Variants in FRMPD3 observed in about 807,000 individuals in gnomAD.
FRMPD3 encodes the protein FERM and PDZ domain-containing protein 3.
A neutral mutation model predicts 97.9 loss-of-function variants in FRMPD3; 42 were observed. The ratio of observed to expected loss-of-function variants is 0.43; its 90% CI spans 0.34 to 0.55. The LOEUF (loss-of-function observed/expected upper bound fraction) is 0.55, where lower values mean the gene tolerates loss of function less well. Among genes scored for constraint, FRMPD3 ranks in the 20% least tolerant of loss-of-function variants. The probability of loss-of-function intolerance (pLI) is 0.03; values close to 1 mark genes in which losing one functional copy is unlikely to be tolerated. For synonymous variants in FRMPD3, 577 were observed against 581.1 expected (o/e 0.99, Z 0.10); for missense variants, 1,303 against 1,457.7 (o/e 0.89, Z 1.73).
At chrX:107,456,920 A>G (rs1335619215) in intron 1 of FRMPD3, among the ~76,000 whole-genome samples, 1 of 112,288 alleles carries the variant, frequency 8.9e-6, no homozygotes, top group African/African-American at 3.2e-5. Flanking sequence ...AATGATTAAA[A>G]CAAGATCATT....
intron 1 of FRMPD3, among the ~76,000 whole-genome samples, chrX:107,483,403 C>T (rs1210662768): frequency 2.7e-5 from 3 of 112,621 alleles, no homozygotes; most frequent in Non-Finnish European, 5.6e-5. Flanking sequence ...GGCAACCCAT[C>T]CCTAGGCTCC....
intron 4 of FRMPD3, among the ~76,000 whole-genome samples, chrX:107,533,959 A>G (rs1246348493): frequency 2.7e-5 from 3 of 112,450 alleles, no homozygotes; most frequent in African/African-American, 6.5e-5. Context: ...ACACAGCACC[A>G]TATGTGAGAG....
chrX:107,499,962 G>A (rs1921865782), intron 1 of FRMPD3, among the ~76,000 whole-genome samples: 1 of 111,784 alleles, frequency 8.9e-6, no homozygotes, highest in Admixed American at 9.5e-5. Flanking sequence ...GGAGGAGCAG[G>A]CCAAGAGTGG....
intron 9 of FRMPD3, 73 bp downstream of exon 9, chrX:107,560,466 T>C: frequency 4.4e-6 from 5 of 1,138,139 alleles, no homozygotes. Flanking sequence ...GGTTGAGCTA[T>C]GCTATGCTTT....
intron 3 of FRMPD3, 72 bp from the exon 4 acceptor site, chrX:107,533,433 G>A (rs985281359): frequency 5.4e-6 from 5 of 927,511 alleles, no homozygotes; most frequent in Non-Finnish European, 7.7e-6. Context: ...GAAGATTCTG[G>A]TGTTGCTTCT....
intron 13 of FRMPD3, 96 bp downstream of exon 13, chrX:107,576,555 G>A: frequency 4.2e-6 from 4 of 941,341 alleles, no homozygotes; most frequent in South Asian, 2.3e-5. Context: ...TGCTCACCCC[G>A]TGCCAACAGT....
rs981420177 is a variant in FRMPD3 at position 107,501,964 on chromosome X, A to C, written c.-7-24618A>C. Among the ~76,000 whole-genome samples, 4 of 110,465 alleles carry C rather than the reference A, an allele frequency of 3.6e-5. No individual in the cohort carries two copies. In the Admixed American group the frequency reaches 3.8e-4, roughly 11 times the overall value. ...TGAACTTACTACATAACATATAAGA[A>C]GTGTTTTCAAAAGCCCAGCCCCCCT... On this transcript the variant is annotated intron_variant, in intron 1 of 14. Transcript: ENST00000683843.
chrX:107,596,061 A>C (rs1466209448), intron 13 of FRMPD3, among the ~76,000 whole-genome samples: 1 of 107,055 alleles, frequency 9.3e-6, no homozygotes, highest in African/African-American at 3.4e-5. Flanking sequence ...TGTATTTGGG[A>C]GTTTTGTTGT....
At chrX:107,570,499 A>G (rs1057117744) in intron 12 of FRMPD3, among the ~76,000 whole-genome samples, 1 of 111,087 alleles carries the variant, frequency 9.0e-6, no homozygotes, top group African/African-American at 3.3e-5. Flanking sequence ...TTCCTCCCAG[A>G]CCATTTAAAA....
intron 4 of FRMPD3, among the ~76,000 whole-genome samples, chrX:107,535,233 C>G (rs1969644270): frequency 8.9e-6 from 1 of 112,529 alleles, no homozygotes; most frequent in Non-Finnish European, 1.9e-5. Flanking sequence ...TCTGATATGG[C>G]TTACTTTTTC....
chrX:107,517,547 G>A lies in FRMPD3; in HGVS notation c.-7-9035G>A, dbSNP rs1483533262. The stretch of plus-strand genomic sequence containing the variant: ...GGCCAAGGAGGGCGGATCACCTGAG[G>A]TCAGGAGTTTGAGAGCAGCCTGGCC... On this transcript the variant is annotated intron_variant, in intron 1 of 14. Transcript: ENST00000683843. Among the ~76,000 whole-genome samples the A allele has an allele frequency of 2.7e-5, 3 of 110,935 alleles. No homozygotes were observed. The South Asian group carries it at 1.1e-3, about 42-fold the overall frequency.
At chrX:107,471,840 G>T (rs1921071030) in intron 1 of FRMPD3, among the ~76,000 whole-genome samples, 1 of 112,018 alleles carries the variant, frequency 8.9e-6, no homozygotes, top group African/African-American at 3.2e-5. Context: ...TGAGTCAAAG[G>T]GTATTTCTGT....
chrX:107,540,917 C>T (rs1434282883), intron 4 of FRMPD3, among the ~76,000 whole-genome samples: 1 of 112,505 alleles, frequency 8.9e-6, no homozygotes, highest in Non-Finnish European at 1.9e-5. Context: ...TTAAAAACAG[C>T]TGGTTAGTGC....
chrX:107,564,093 A>G (rs1346763803), intron 11 of FRMPD3, among the ~76,000 whole-genome samples: 1 of 112,000 alleles, frequency 8.9e-6, no homozygotes, highest in African/African-American at 3.2e-5. Context: ...ATACCAGGGA[A>G]TGGGCCTCCA....
intron 1 of FRMPD3, among the ~76,000 whole-genome samples, chrX:107,461,000 C>T (rs961974026): frequency 5.4e-5 from 6 of 111,929 alleles, no homozygotes; most frequent in South Asian, 3.8e-4. Flanking sequence ...CCCACTAGTC[C>T]GCTGCTGCCA....
intron 14 of FRMPD3, among the ~76,000 whole-genome samples, chrX:107,599,286 A>G (rs1009020417): frequency 1.8e-5 from 2 of 111,343 alleles, no homozygotes; most frequent in African/African-American, 3.3e-5. Context: ...AAAAGAAGAA[A>G]AAAGAAAGAG....
intron 13 of FRMPD3, among the ~76,000 whole-genome samples, chrX:107,578,852 A>G (rs1415749738): frequency 9.0e-6 from 1 of 110,914 alleles, no homozygotes; most frequent in Non-Finnish European, 1.9e-5. Flanking sequence ...ACCTGGGTTC[A>G]CTGAGCTGCC....
In FRMPD3 at chrX:107,549,280, A is replaced by G. The variant is rs775102143; in HGVS notation, c.403-769A>G. Among the ~76,000 whole-genome samples, 7 of 109,095 alleles carry G rather than the reference A, an allele frequency of 6.4e-5. No individual in the cohort carries two copies. The East Asian group carries it at 1.7e-3, about 27-fold the overall frequency. 94.7% of individuals were successfully genotyped at this position (109,095 alleles called of 115,157 possible). ...AGAGGTTGCAGCGAGCCGAGATCAC[A>G]CCACTGCACTCCCACCTGGGCGACA... On this transcript the variant is annotated intron_variant, in intron 5 of 14. Coordinates refer to ENST00000683843, the MANE Select transcript of FRMPD3 (RefSeq NM_001388459.1).
rs752545629 is a variant in FRMPD3, at chrX:107,601,969, A to G, written c.3930A>G (p.Pro1310=). 5 of 1,170,633 alleles carry G rather than the reference A, an allele frequency of 4.3e-6. No homozygotes were observed. The Admixed American group carries it at 1.3e-4, about 29-fold the overall frequency. ...AGCGCATCTGCCGGGGGGGCCGGCC[A>G]CAAGCCACCCAGACACCAGTGCCCA... ...DCKRICRGGR[P]QATQTPVPSL... is the part of the protein sequence containing the mutation. Residue 1310 remains proline, a synonymous_variant, in exon 15 of 15, where the codon CCA becomes CCG. Coordinates refer to ENST00000683843, the MANE Select transcript of FRMPD3 (RefSeq NM_001388459.1).
Sources: gnomAD v4.1 joint callset for allele counts (sites outside exome capture counted in the v4.1 genomes callset) on GRCh38, gnomAD v4.1.1 for gene constraint, MANE v1.5 for transcripts, NCBI Gene and HGNC (gene_info 2026-07-23, HGNC 2026-07-21) for gene names.